Variants in DPYSL3 observed in about 807,000 individuals in gnomAD.
DPYSL3 encodes dihydropyrimidinase like 3.
In DPYSL3, 16 loss-of-function variants were observed where a neutral mutation model predicts 66.1. The ratio of observed to expected loss-of-function variants is 0.24; its 90% CI spans 0.16 to 0.37. DPYSL3 has a LOEUF of 0.37. Among genes scored for constraint, DPYSL3 ranks in the 10% least tolerant of loss-of-function variants. The pLI is 1.00. For missense variants in DPYSL3, 738 were observed against 916.2 expected, an observed-to-expected ratio of 0.81 and a Z score of 2.51; for synonymous variants, 338 against 345.1, an observed-to-expected ratio of 0.98 and a Z score of 0.23.
intron 6 of DPYSL3, among the ~76,000 whole-genome samples, chr5:147,411,836 A>G (rs779526949): frequency 3.3e-5 from 5 of 152,230 alleles, no homozygotes; most frequent in African/African-American, 1.2e-4. Context: ...ACTGCCTGGC[A>G]CAAAGTGCTC....
chr5:147,490,074 C>T (rs906776918), intron 1 of DPYSL3, among the ~76,000 whole-genome samples: 3 of 152,160 alleles, frequency 2.0e-5, no homozygotes, highest in Admixed American at 6.5e-5. Flanking sequence ...ACCCCATCTA[C>T]TGAATAATGT....
Position 147,424,870 on chromosome 5 carries a change from C to T in DPYSL3, c.470+5G>A. 6.3e-7 allele frequency: 1 copy of T among 1,596,540 alleles called. No homozygotes were observed. Among genetic ancestry groups the T allele is most frequent in the Non-Finnish European group, 8.6e-7 (1 of 1,167,102 alleles). ...ACAATAAAGAGAAGAATTCCATATA[C>T]ATACTTTATTAAGCCATCTTCCATG... On this transcript the variant is annotated splice_donor_5th_base_variant and intron_variant, in intron 2 of 13. Coordinates refer to ENST00000343218, the MANE Select transcript of DPYSL3 (RefSeq NM_001197294.2).
chr5:147,433,330 G>A (rs1205392809), intron 1 of DPYSL3, among the ~76,000 whole-genome samples: 2 of 152,084 alleles, frequency 1.3e-5, no homozygotes, highest in South Asian at 4.2e-4. Flanking sequence ...GGCAGGGTGG[G>A]GTAGGGTCAG....
chr5:147,463,981 G>A (rs538121262), intron 1 of DPYSL3, among the ~76,000 whole-genome samples: 24 of 151,646 alleles, frequency 1.6e-4, no homozygotes, highest in African/African-American at 4.6e-4. Flanking sequence ...CTCATTAACT[G>A]GCACAGGATC....
Position 147,432,927 on chromosome 5 carries a change from T to C in DPYSL3, c.382-7964A>G, listed in dbSNP as rs544137954. ...CATTCTGCTGCCTTCGAGAGGGCTC[T>C]AAAGGATGATCTTGGATCTGTTATT... On this transcript the variant is annotated intron_variant, in intron 1 of 13. Coordinates refer to ENST00000343218, the MANE Select transcript of DPYSL3 (RefSeq NM_001197294.2). Among the ~76,000 whole-genome samples, 35 of 152,318 alleles carry C rather than the reference T, an allele frequency of 2.3e-4. 1 individual carries two copies. The highest frequency in any genetic ancestry group is 2.0e-3 in the Admixed American group (30 of 15,312).
At chr5:147,395,780 A>G (rs1286546079) in intron 12 of DPYSL3, 59 bp from the exon 13 acceptor site, 5 of 1,589,908 alleles carry the variant, frequency 3.1e-6, no homozygotes, top group Non-Finnish European at 4.3e-6. Flanking sequence ...GGTCTGTTCT[A>G]GGTATCATAA....
chr5:147,470,342 C>A (rs1753068532), intron 1 of DPYSL3, among the ~76,000 whole-genome samples: 1 of 152,184 alleles, frequency 6.6e-6, no homozygotes, highest in South Asian at 2.1e-4. Context: ...CCGGAAACTT[C>A]TCTTTACCTT....
intron 1 of DPYSL3, among the ~76,000 whole-genome samples, chr5:147,436,472 G>T (rs72833342): frequency 0.019 from 2,908 of 152,326 alleles, 34 homozygotes; most frequent in South Asian, 0.063. Flanking sequence ...CTGGAAGAAA[G>T]TTCCAGAAGG....
chr5:147,493,560 C>T (rs942523197), intron 1 of DPYSL3, among the ~76,000 whole-genome samples: 1 of 149,616 alleles, frequency 6.7e-6, no homozygotes, highest in Non-Finnish European at 1.5e-5. Context: ...GGTGACAGAG[C>T]GAGACTCTGT....
At chr5:147,425,084 T>C in intron 1 of DPYSL3, 121 bp from the exon 2 acceptor site, 1 of 683,592 alleles carries the variant, frequency 1.5e-6, no homozygotes, top group Non-Finnish European at 2.5e-6. Context: ...ACCAAAGACA[T>C]ATGTGTGCTC....
At position 147,395,234 on chromosome 5, in the gene DPYSL3, T is replaced by G. The variant is rs1021490178; in HGVS notation, c.1966+325A>C. On this transcript the variant is annotated intron_variant, in intron 13 of 13. Coordinates refer to ENST00000343218, the MANE Select transcript of DPYSL3 (RefSeq NM_001197294.2). ...AACATACTATGTTGCATAGCGCTCA[T>G]AGGCTAATGCTGGAAATCACTATCA... Among the ~76,000 whole-genome samples, 22 of 152,344 alleles carry G rather than the reference T, an allele frequency of 1.4e-4. 1 individual carries two copies. Among genetic ancestry groups the G allele is most frequent in the African/African-American group, 5.3e-4 (22 of 41,584 alleles).
rs1757944817 is a variant in DPYSL3, at chr5:147,395,617, A to C, written c.1908T>G (p.Ser636=). The change falls in exon 13 of 14, where the codon TCT becomes TCG. Residue 636 remains serine, a synonymous_variant. Coordinates refer to ENST00000343218, the MANE Select transcript of DPYSL3 (RefSeq NM_001197294.2). ...TCACAGGTGGGTTCGGCCGAGTAGG[A>C]GAGCCCCGAGCAGAGCCTGCGGGGG... is the stretch of plus-strand genomic sequence containing the variant. ...GGTPAGSARG[S]PTRPNPPVRN... is the part of the protein sequence containing the mutation. 1.2e-6 allele frequency: 2 copies of C among 1,614,076 alleles called. No homozygotes were observed. Among genetic ancestry groups the C allele is most frequent in the African/African-American group, 1.3e-5 (1 of 75,026 alleles).
intron 1 of DPYSL3, among the ~76,000 whole-genome samples, chr5:147,505,938 G>C (rs1018572323): frequency 6.6e-6 from 1 of 152,150 alleles, no homozygotes; most frequent in African/African-American, 2.4e-5. Flanking sequence ...ACAGACTCTG[G>C]AATCAGAAAA....
At chr5:147,423,278 G>A (rs1371542844) in intron 2 of DPYSL3, among the ~76,000 whole-genome samples, 1 of 152,080 alleles carries the variant, frequency 6.6e-6, no homozygotes, top group Non-Finnish European at 1.5e-5. Flanking sequence ...AATGTAAATT[G>A]GCAAGGTAAC....
intron 1 of DPYSL3, among the ~76,000 whole-genome samples, chr5:147,439,647 G>C (rs1050268012): frequency 2.0e-5 from 3 of 152,170 alleles, no homozygotes; most frequent in African/African-American, 7.2e-5. Flanking sequence ...TTTAGGGGTA[G>C]GCAAAGTGAA....
intron 1 of DPYSL3, among the ~76,000 whole-genome samples, chr5:147,428,816 G>A (rs1752250419): frequency 1.3e-5 from 2 of 152,236 alleles, no homozygotes; most frequent in South Asian, 4.1e-4. Flanking sequence ...GGGGTGCGGG[G>A]AGGAGGGAGA....
intron 1 of DPYSL3, among the ~76,000 whole-genome samples, chr5:147,426,552 G>C (rs1301325056): frequency 6.6e-6 from 1 of 152,146 alleles, no homozygotes. Context: ...TGACTATGAG[G>C]ATTAAGAGTC....
intron 7 of DPYSL3, chr5:147,406,101 C>G (rs1325572523): frequency 6.3e-6 from 1 of 159,948 alleles, no homozygotes; most frequent in Non-Finnish European, 1.4e-5. Context: ...AACACAATAG[C>G]AAACCATTAT....
intron 3 of DPYSL3, among the ~76,000 whole-genome samples, chr5:147,417,519 A>C (rs1444774245): frequency 6.6e-6 from 1 of 152,182 alleles, no homozygotes; most frequent in African/African-American, 2.4e-5. Context: ...AGGAAGTAAA[A>C]GACAGTGAAT....
Sources: allele counts gnomAD v4.1 joint callset (sites outside exome capture counted in the v4.1 genomes callset), GRCh38; gene constraint gnomAD v4.1.1; transcripts MANE v1.5; gene names NCBI Gene and HGNC (gene_info 2026-07-23, HGNC 2026-07-21).